The following GLI3 variants were observed in gnomAD, a reference collection of about 807,000 sequenced individuals.
GLI3 encodes the protein transcription activator GLI3.
In GLI3, 20 loss-of-function variants were observed where a neutral mutation model predicts 100.8. The ratio of observed to expected loss-of-function variants is 0.20; its 90% CI spans 0.14 to 0.29. The LOEUF (loss-of-function observed/expected upper bound fraction) is 0.29. GLI3 is among the 10% of genes least tolerant of loss of function. The pLI, the probability that GLI3 is intolerant of heterozygous loss-of-function variation, is 1.00. For synonymous variants in GLI3, 938 were observed against 860.5 expected (o/e 1.09, Z -1.58); for missense variants, 2,040 against 2,128.5 (o/e 0.96, Z 0.82).
chr7:42,177,109 T>TC (rs781359124), intron 2 of GLI3, among the ~76,000 whole-genome samples: 1 of 152,102 alleles, frequency 6.6e-6, no homozygotes, highest in Non-Finnish European at 1.5e-5. Flanking sequence ...ATAGGGACAC[T>TC]CCGTCCTTCC....
chr7:42,204,913 G>A (rs1788118823), intron 2 of GLI3, among the ~76,000 whole-genome samples: 1 of 152,000 alleles, frequency 6.6e-6, no homozygotes, highest in Non-Finnish European at 1.5e-5. Context: ...TTATTGACAT[G>A]GCTATGATAA....
chr7:42,066,095 C>A (rs1453328488), intron 4 of GLI3, among the ~76,000 whole-genome samples: 1 of 152,078 alleles, frequency 6.6e-6, no homozygotes, highest in Non-Finnish European at 1.5e-5. Context: ...GTAATTCATG[C>A]AGAAAAGCGT....
Position 42,026,073 on chromosome 7 carries a change from A to G in GLI3, c.1242+126T>C, listed in dbSNP as rs1789102054. The G allele has an allele frequency of 8.5e-6, 6 of 706,158 alleles. No individual in the cohort carries two copies. The South Asian group carries it at 9.2e-5, about 11-fold the overall frequency. The allele number at this position is 706,158 out of a possible 1,614,324, so 43.7% of individuals were successfully genotyped here. On this transcript the variant is annotated intron_variant, in intron 8 of 14. Transcript: ENST00000395925. ...TGAAGACTAGACCTCAGCATTAAGA[A>G]GACAGGATGCTAGTACAGAGGCTGT...
At chr7:42,186,345 G>T (rs964221797) in intron 2 of GLI3, among the ~76,000 whole-genome samples, 1 of 152,148 alleles carries the variant, frequency 6.6e-6, no homozygotes, top group African/African-American at 2.4e-5. Flanking sequence ...TCTCCGCCTT[G>T]GTTAGCACCC....
intron 2 of GLI3, among the ~76,000 whole-genome samples, chr7:42,183,837 C>T (rs1423598161): frequency 6.6e-6 from 1 of 152,164 alleles, no homozygotes; most frequent in Non-Finnish European, 1.5e-5. Context: ...CTGCAGTAGC[C>T]TCCTAAATGA....
chr7:42,157,468 A>G (rs3801208), intron 2 of GLI3, among the ~76,000 whole-genome samples: 103,147 of 152,074 alleles, frequency 0.68, 36,925 homozygotes, highest in African/African-American at 0.92. Context: ...CCTTCCTCAC[A>G]CCACAGCCCC....
chr7:42,205,692 A>T (rs1450760638), intron 2 of GLI3, among the ~76,000 whole-genome samples: 1 of 152,248 alleles, frequency 6.6e-6, no homozygotes, highest in African/African-American at 2.4e-5. Context: ...CTTCCAGAAC[A>T]TGTTAAAGTA....
Position 42,223,295 on chromosome 7 carries a change from C to T in GLI3, c.-42G>A, listed in dbSNP as rs375082936. 1 of 1,596,500 alleles carries T rather than the reference C, an allele frequency of 6.3e-7. No homozygotes were observed. Among genetic ancestry groups the T allele is most frequent in the Non-Finnish European group, 8.6e-7 (1 of 1,166,600 alleles). On this transcript the variant is annotated splice_region_variant and 5_prime_UTR_variant, in exon 2 of 15. Transcript: ENST00000395925. ...TTCAGCTCTCTTCGACCAAAAATGC[C>T]CTAAAGAAAACAACAGAGCCATCAA...
intron 2 of GLI3, among the ~76,000 whole-genome samples, chr7:42,220,335 C>G (rs999880080): frequency 1.3e-5 from 2 of 152,060 alleles, no homozygotes; most frequent in Non-Finnish European, 2.9e-5. Context: ...ATGAAATATT[C>G]ATAGAGAAAA....
In GLI3 at chr7:41,963,543, T is replaced by C. The variant is rs1297883161; in HGVS notation, c.*787A>G. ...AACTGCAGTGCGAAACAGCACTGAA[T>C]GTTCATGAAGGTAGTGGGAGGAGAG... On this transcript the variant is annotated 3_prime_UTR_variant, in exon 15 of 15. Coordinates refer to ENST00000395925, the MANE Select transcript of GLI3 (RefSeq NM_000168.6). 6.6e-6 allele frequency: 1 copy of C among 152,218 alleles called. No individual in the cohort carries two copies. The highest frequency in any genetic ancestry group is 1.5e-5 in the Non-Finnish European group (1 of 68,068). 9.4% of individuals were successfully genotyped at this position (152,218 alleles called of 1,614,324 possible).
chr7:42,030,543 T>C (rs538137136), intron 7 of GLI3, among the ~76,000 whole-genome samples: 1 of 152,258 alleles, frequency 6.6e-6, no homozygotes, highest in South Asian at 2.1e-4. Flanking sequence ...AGCACTTCAA[T>C]GGCACAGGAC....
intron 3 of GLI3, among the ~76,000 whole-genome samples, chr7:42,092,958 C>G (rs944010466): frequency 6.6e-6 from 1 of 151,742 alleles, no homozygotes; most frequent in East Asian, 2.0e-4. Flanking sequence ...GGATTACAGA[C>G]ACCCGCCACC....
Position 41,966,555 on chromosome 7 carries a change from T to C in GLI3, c.2518A>G (p.Met840Val). ...RSDLSGVDVT[M>V]LNMLNRRDSS... The stretch of plus-strand genomic sequence containing the variant: ...TCCCTTCTGTTGAGCATGTTCAGCA[T>C]AGTGACGTCCACCCCAGAGAGGTCG... Residue 840 changes from methionine to valine, a missense_variant, in exon 15 of 15, where the codon ATG becomes GTG. Met to Val is a conservative substitution (Grantham distance 21). Transcript: ENST00000395925. This position sits in a 1 kb window ranked among gnomAD's most constrained non-coding sequence, Gnocchi z 5.8. The C allele has an allele frequency of 6.2e-7, 1 of 1,613,922 alleles. No individual in the cohort carries two copies. The highest frequency in any genetic ancestry group is 8.5e-7 in the Non-Finnish European group (1 of 1,179,984).
At chr7:42,172,387 G>A (rs1327377192) in intron 2 of GLI3, 2 of 611,296 alleles carry the variant, frequency 3.3e-6, no homozygotes, top group South Asian at 1.9e-5. Context: ...CTCTGTGGTA[G>A]AGGAGAATTT....
chr7:42,220,857 C>A (rs1788472356), intron 2 of GLI3, among the ~76,000 whole-genome samples: 1 of 152,218 alleles, frequency 6.6e-6, no homozygotes, highest in African/African-American at 2.4e-5. Context: ...AACAGTAAAT[C>A]TCTTAGAAGA....
At chr7:42,217,014 G>A (rs11764679) in intron 2 of GLI3, among the ~76,000 whole-genome samples, 5,695 of 151,902 alleles carry the variant, frequency 0.037, 141 homozygotes, top group Non-Finnish European at 0.06. Flanking sequence ...CAGGGTTGTG[G>A]CATAAGCAGA....
At chr7:42,093,408 T>C (rs1473951082) in intron 3 of GLI3, among the ~76,000 whole-genome samples, 4 of 150,056 alleles carry the variant, frequency 2.7e-5, no homozygotes, top group African/African-American at 7.4e-5. Context: ...GGTTCCCTTC[T>C]CTTTTCTACA....
At chr7:42,247,969 A>G (rs192928774) in intron 1 of GLI3, among the ~76,000 whole-genome samples, 29 of 152,358 alleles carry the variant, frequency 1.9e-4, no homozygotes, top group African/African-American at 6.3e-4. Context: ...AGAATAGACA[A>G]GGATCTCTGA....
chr7:41,973,243 T>G (rs1050566691), intron 12 of GLI3, among the ~76,000 whole-genome samples: 1 of 152,188 alleles, frequency 6.6e-6, no homozygotes, highest in Non-Finnish European at 1.5e-5. Flanking sequence ...GGGCTCAAAA[T>G]AGCCAGAACC....
Sources: allele counts gnomAD v4.1 joint callset (sites outside exome capture counted in the v4.1 genomes callset), GRCh38; gene constraint gnomAD v4.1.1; non-coding constraint Gnocchi (gnomAD v3.1); transcripts MANE v1.5; gene names NCBI Gene and HGNC (gene_info 2026-07-23, HGNC 2026-07-21).